DMBT1: variants seen among roughly 807,000 people sequenced by gnomAD.
DMBT1 encodes the protein deleted in malignant brain tumors 1, also known as scavenger receptor cysteine-rich domain-containing protein DMBT1.
DMBT1 carries 198 observed loss-of-function variants against 252.9 expected under a neutral mutation model. That is an observed-to-expected ratio of 0.78 (90% confidence interval 0.70 to 0.88). DMBT1 has a LOEUF of 0.88. Ranked by LOEUF, DMBT1 falls within the 40% of genes least tolerant of loss-of-function variation. The pLI is 0.00. For synonymous variants in DMBT1, 990 were observed against 942.7 expected, an observed-to-expected ratio of 1.05 and a Z score of -0.92; for missense variants, 2,432 against 2,404.7, an observed-to-expected ratio of 1.01 and a Z score of -0.24.
At chr10:122,584,543 G>A (rs867034009) in intron 14 of DMBT1, among the ~76,000 whole-genome samples, 192 bp downstream of exon 14, 806 of 147,046 alleles carry the variant, frequency 5.5e-3, no homozygotes, top group African/African-American at 0.019. Context: ...TCTGTCTTCT[G>A]TTCCATTTAT....
intron 49 of DMBT1, among the ~76,000 whole-genome samples, 179 bp downstream of exon 49, chr10:122,631,460 C>T (rs972197836): frequency 6.6e-6 from 1 of 152,130 alleles, no homozygotes; most frequent in Non-Finnish European, 1.5e-5. Flanking sequence ...GTTTCTGGAC[C>T]CAGGGCCATT....
chr10:122,597,774 G>A (rs912922066), intron 24 of DMBT1, among the ~76,000 whole-genome samples, 200 bp from the exon 25 acceptor site: 1 of 152,128 alleles, frequency 6.6e-6, no homozygotes, highest in Non-Finnish European at 1.5e-5. Flanking sequence ...GAGGCAGGAG[G>A]GATCGAACTG....
intron 16 of DMBT1, among the ~76,000 whole-genome samples, chr10:122,587,875 C>A (rs1449723761): frequency 6.7e-6 from 1 of 148,434 alleles, no homozygotes; most frequent in Non-Finnish European, 1.5e-5. Context: ...ATGGGGCAGG[C>A]AAACCCTTTG....
At chr10:122,600,145 A>T in intron 27 of DMBT1, 52 bp downstream of exon 27, 1 of 1,580,542 alleles carries the variant, frequency 6.3e-7, no homozygotes, top group South Asian at 1.1e-5. Flanking sequence ...CTGCCCAATC[A>T]CCCCTTCCAC....
intron 47 of DMBT1, 142 bp downstream of exon 47, chr10:122,630,135 C>T: frequency 7.3e-7 from 1 of 1,373,048 alleles, no homozygotes; most frequent in East Asian, 2.3e-5. Context: ...TACCATAAAG[C>T]ATCAGGGAAC....
intron 16 of DMBT1, among the ~76,000 whole-genome samples, chr10:122,587,487 G>T (rs1189574456): frequency 6.7e-6 from 1 of 148,698 alleles, no homozygotes; most frequent in Admixed American, 6.7e-5. Context: ...GCAAAGCCTT[G>T]TTATGAATGC....
chr10:122,567,693 G>T (rs1461795860), intron 2 of DMBT1, among the ~76,000 whole-genome samples: 1 of 152,164 alleles, frequency 6.6e-6, no homozygotes, highest in African/African-American at 2.4e-5. Context: ...TACCCCAGTG[G>T]GTGGTCTAGT....
intron 2 of DMBT1, 112 bp from the exon 3 acceptor site, chr10:122,570,050 G>T (rs2097646968): frequency 1.2e-5 from 12 of 980,212 alleles, no homozygotes; most frequent in Non-Finnish European, 5.0e-6. Flanking sequence ...AGCAATGGAG[G>T]GTGCCCTTAG....
intron 54 of DMBT1, 72 bp downstream of exon 54, chr10:122,637,384 G>C (rs1049337304): frequency 7.2e-7 from 1 of 1,397,650 alleles, no homozygotes; most frequent in African/African-American, 1.5e-5. Context: ...TGTGCTTCTT[G>C]AATTCTGGGG....
chr10:122,630,374 G>T lies in DMBT1; in HGVS notation c.5909G>T (p.Cys1970Phe). 6.2e-7 allele frequency: 1 copy of T among 1,613,980 alleles called. No individual in the cohort carries two copies. The highest frequency in any genetic ancestry group is 8.5e-7 in the Non-Finnish European group (1 of 1,179,884). The change falls in exon 48 of 56, where the codon TGT becomes TTT. Residue 1970 changes from cysteine (C) to phenylalanine (F), a missense_variant. Physicochemically the swap from Cys to Phe is radical, Grantham distance 205 (BLOSUM62 -2). Around this residue, in one of 3 missense-constraint regions of DMBT1, gnomAD observed 1,162 missense variants for 1,169.0 expected, o/e 0.99. Coordinates refer to ENST00000338354, the MANE Select transcript of DMBT1 (RefSeq NM_001377530.1). ...AGCAGTCTCCTGCTGGGGAAAATCT[G>T]TAATGATACCAGGCAAATATTTACA... is the stretch of plus-strand genomic sequence containing the variant. ...LNSSLLLGKI[C>F]NDTRQIFTSS...
intron 46 of DMBT1, among the ~76,000 whole-genome samples, chr10:122,626,337 A>G (rs1436804140): frequency 6.6e-6 from 1 of 152,198 alleles, no homozygotes; most frequent in African/African-American, 2.4e-5. Context: ...GTGTTATTAA[A>G]TCTTTTCTCA....
chr10:122,578,226 T>C (rs918320205), intron 8 of DMBT1, among the ~76,000 whole-genome samples: 4 of 152,130 alleles, frequency 2.6e-5, no homozygotes, highest in Non-Finnish European at 5.9e-5. Flanking sequence ...TACCCCCATC[T>C]CTCACTACTT....
rs187551168 is a variant in DMBT1, at chr10:122,579,918, T to C, written c.1003+17T>C. 1.2e-6 allele frequency: 2 copies of C among 1,613,816 alleles called. No homozygotes were observed. Among genetic ancestry groups the C allele is most frequent in the Non-Finnish European group, 1.7e-6 (2 of 1,179,756 alleles). On this transcript the variant is annotated intron_variant, in intron 10 of 55. Transcript: ENST00000338354. ...TCTGCTCAGGTGGGCCTTCAAGAACTTGGGCTCACTCTCTTGGGGTGGAGT... is the reference window on the plus strand; with the variant it reads ...TCTGCTCAGGTGGGCCTTCAAGAACCTGGGCTCACTCTCTTGGGGTGGAGT...
At chr10:122,593,481 G>A in intron 20 of DMBT1, 88 bp from the exon 21 acceptor site, 1 of 1,383,002 alleles carries the variant, frequency 7.2e-7, no homozygotes, top group Admixed American at 1.7e-5. Context: ...CTGAGTGTCA[G>A]ACTCGCTCAT....
At chr10:122,576,174 C>A (rs2097710181) in intron 6 of DMBT1, among the ~76,000 whole-genome samples, 1 of 152,174 alleles carries the variant, frequency 6.6e-6, no homozygotes, top group Non-Finnish European at 1.5e-5. Flanking sequence ...TCAGGAGGAG[C>A]CTTTTATTCT....
intron 47 of DMBT1, 62 bp downstream of exon 47, chr10:122,630,055 G>A (rs2098148743): frequency 1.3e-6 from 2 of 1,599,332 alleles, no homozygotes; most frequent in South Asian, 2.3e-5. Context: ...CACTGGTTTA[G>A]ACTGTGTCCT....
intron 52 of DMBT1, among the ~76,000 whole-genome samples, chr10:122,635,250 T>G (rs995496461): frequency 6.6e-6 from 1 of 152,230 alleles, no homozygotes; most frequent in African/African-American, 2.4e-5. Context: ...GGAAAAGCTT[T>G]AGAGAGATTA....
At chr10:122,577,759 A>G (rs1024981607) in intron 7 of DMBT1, 52 bp from the exon 8 acceptor site, 5 of 1,609,288 alleles carry the variant, frequency 3.1e-6, no homozygotes, top group South Asian at 2.2e-5. Context: ...CCTTAACTCT[A>G]CTTGGAGTCA....
intron 10 of DMBT1, 76 bp downstream of exon 10, chr10:122,579,977 TCTC>T: frequency 6.2e-7 from 1 of 1,603,818 alleles, no homozygotes; most frequent in Non-Finnish European, 8.5e-7. Context: ...TACATTCTGA[TCTC>T]CTCACTCAAA....
Sources: allele counts gnomAD v4.1 joint callset (sites outside exome capture counted in the v4.1 genomes callset), GRCh38; gene constraint gnomAD v4.1.1; regional missense constraint gnomAD v4.1.1; transcripts MANE v1.5; gene names NCBI Gene and HGNC (gene_info 2026-07-23, HGNC 2026-07-21).